EEF2K: variants seen among roughly 807,000 people sequenced by gnomAD.
EEF2K encodes the protein eukaryotic elongation factor 2 kinase, also known as alternative protein EEF2K.
Under a neutral mutation model 93.8 loss-of-function variants are expected in EEF2K, and 70 were observed. The ratio of observed to expected loss-of-function variants is 0.75; its 90% CI spans 0.62 to 0.91. EEF2K has a LOEUF of 0.91. Among genes scored for constraint, EEF2K ranks in the 40% least tolerant of loss-of-function variants. The pLI is 0.00. For synonymous variants in EEF2K, 376 were observed against 380.8 expected (o/e 0.99, Z 0.15); for missense variants, 935 against 972.9 (o/e 0.96, Z 0.52).
Position 22,218,766 on chromosome 16 carries a change from GT to G in EEF2K, c.-76-6886del, listed in dbSNP as rs1328678958. On this transcript the variant is annotated intron_variant, in intron 1 of 17. Transcript: ENST00000263026. ...CTCAAGAGGTGAAGTCACATAGCCAGTTAGTGGTAGAGATGGGGCTTGAACC... is the reference window on the plus strand; with the variant it reads ...CTCAAGAGGTGAAGTCACATAGCCAGTAGTGGTAGAGATGGGGCTTGAACC... 2.0e-5 allele frequency among the ~76,000 whole-genome samples: 3 copies of G among 152,136 alleles called. No homozygotes were observed. The East Asian group carries it at 5.8e-4, about 29-fold the overall frequency.
Position 22,235,664 on chromosome 16 carries a change from A to G in EEF2K, c.247-8966A>G, listed in dbSNP as rs908745469. Among the ~76,000 whole-genome samples, 14 of 151,828 alleles carry G rather than the reference A, an allele frequency of 9.2e-5. 1 individual carries two copies. The highest frequency in any genetic ancestry group is 3.4e-4 in the African/African-American group (14 of 41,332). ...AGGCATGCACCACCACGCCTGACTAATTTTGCATTTTTTAGTGGAGATGGG... is the reference window on the plus strand; with the variant it reads ...AGGCATGCACCACCACGCCTGACTAGTTTTGCATTTTTTAGTGGAGATGGG... On this transcript the variant is annotated intron_variant, in intron 2 of 17. Coordinates refer to ENST00000263026, the MANE Select transcript of EEF2K (RefSeq NM_013302.5).
chr16:22,278,646 T>G (rs2047664156), intron 16 of EEF2K, among the ~76,000 whole-genome samples: 1 of 152,178 alleles, frequency 6.6e-6, no homozygotes, highest in Non-Finnish European at 1.5e-5. Flanking sequence ...GACCTATTGC[T>G]TCTGGAATGT....
intron 2 of EEF2K, among the ~76,000 whole-genome samples, chr16:22,239,670 G>T (rs1034750881): frequency 3.9e-5 from 6 of 152,140 alleles, no homozygotes; most frequent in Non-Finnish European, 8.8e-5. Flanking sequence ...AATTAGCCAG[G>T]CATGATGGCA....
chr16:22,246,582 C>T (rs9929364), intron 3 of EEF2K, among the ~76,000 whole-genome samples: 10,777 of 149,456 alleles, frequency 0.072, 1,324 homozygotes, highest in African/African-American at 0.25. Flanking sequence ...GAGTTGCATG[C>T]CAGGAAATGG....
At position 22,263,346 on chromosome 16, in the gene EEF2K, C is replaced by A. The variant is rs186675421; in HGVS notation, c.1377+159C>A. On this transcript the variant is annotated intron_variant, in intron 12 of 17. Coordinates refer to ENST00000263026, the MANE Select transcript of EEF2K (RefSeq NM_013302.5). ...ATTTCAGGCCGGTCATGGTGGCTCA[C>A]GCCTGTAATCCCAGCACTTTGGGAG... The A allele has an allele frequency of 3.9e-3, 2,050 of 527,514 alleles. 67 individuals carry two copies. In the Admixed American group the frequency reaches 0.055, roughly 14 times the overall value. The allele number at this position is 527,514 out of a possible 1,614,324, so 32.7% of individuals were successfully genotyped here. A position where few individuals can be genotyped will look rare whatever the true frequency, so the allele number is the denominator to read the frequency against.
intron 16 of EEF2K, among the ~76,000 whole-genome samples, chr16:22,277,602 A>G (rs1038893257): frequency 2.0e-5 from 3 of 152,214 alleles, no homozygotes; most frequent in African/African-American, 7.2e-5. Flanking sequence ...TCCTGCCTTC[A>G]TGGGGCTTAC....
intron 2 of EEF2K, 38 bp from the exon 3 acceptor site, chr16:22,244,592 G>A: frequency 6.2e-7 from 1 of 1,607,998 alleles, no homozygotes; most frequent in Non-Finnish European, 8.5e-7. Context: ...CCCCTGACCT[G>A]GGCCTGATGT....
intron 1 of EEF2K, among the ~76,000 whole-genome samples, chr16:22,212,327 T>C (rs2046922541): frequency 6.6e-6 from 1 of 151,704 alleles, no homozygotes. Context: ...TCTGTCTCTT[T>C]CTTTTTTTTT....
rs2047728301 is a variant in EEF2K at position 22,284,092 on chromosome 16, G to A, written c.*96G>A. ...AACTTATTTAGTTTGGGGAGGGGAA[G>A]CATTTTTAAGTGTGTTGTAAAATCA... is the stretch of plus-strand genomic sequence containing the variant. On this transcript the variant is annotated 3_prime_UTR_variant, in exon 18 of 18. Transcript: ENST00000263026. 1.8e-6 allele frequency: 2 copies of A among 1,085,166 alleles called. No individual in the cohort carries two copies. Among genetic ancestry groups the A allele is most frequent in the South Asian group, 1.5e-5 (1 of 67,424 alleles). The allele number at this position is 1,085,166 out of a possible 1,614,324, so 67.2% of individuals were successfully genotyped here. A position where few individuals can be genotyped will look rare whatever the true frequency, so the allele number is the denominator to read the frequency against.
At chr16:22,279,837 A>G (rs1490558616) in intron 16 of EEF2K, among the ~76,000 whole-genome samples, 1 of 152,184 alleles carries the variant, frequency 6.6e-6, no homozygotes. Context: ...TTTACTAAAA[A>G]TACAAAAAAT....
At position 22,256,689 on chromosome 16, in the gene EEF2K, G is replaced by A. The variant is rs755211834; in HGVS notation, c.619-59G>A. ...AGTTCCTCTGAGCCCTCCCCTTGCCGCTTCTCAGAGGAGGTGCGCCTGGGC... is the reference window on the plus strand; with the variant it reads ...AGTTCCTCTGAGCCCTCCCCTTGCCACTTCTCAGAGGAGGTGCGCCTGGGC... On this transcript the variant is annotated intron_variant, in intron 6 of 17. Coordinates refer to ENST00000263026, the MANE Select transcript of EEF2K (RefSeq NM_013302.5). 3.6e-5 allele frequency: 56 copies of A among 1,567,710 alleles called. 1 individual carries two copies. Among genetic ancestry groups the A allele is most frequent in the South Asian group, 3.4e-4 (29 of 84,230 alleles).
At chr16:22,233,629 G>A (rs951947124) in intron 2 of EEF2K, among the ~76,000 whole-genome samples, 1 of 152,152 alleles carries the variant, frequency 6.6e-6, no homozygotes, top group South Asian at 2.1e-4. Context: ...AGAGGCTGCA[G>A]TGAGAGATTG....
In EEF2K at chr16:22,256,804, C is replaced by T. The variant is rs1165249456; in HGVS notation, c.675C>T (p.Leu225=). 8 of 1,614,100 alleles carry T rather than the reference C, an allele frequency of 5.0e-6. No homozygotes were observed. In the African/African-American group the frequency reaches 5.3e-5, roughly 11 times the overall value. Reference sequence around the variant, plus strand: ...TGAAGGACAGACCGGGCAAGCCCCTCTTCCACCTGGAGCACTACATCGAGG... The same window carrying T: ...TGAAGGACAGACCGGGCAAGCCCCTTTTCCACCTGGAGCACTACATCGAGG... ...IELKDRPGKP[L]FHLEHYIEGK... The change falls in exon 7 of 18, where the codon CTC becomes CTT. Residue 225 remains leucine, a synonymous_variant. Coordinates refer to ENST00000263026, the MANE Select transcript of EEF2K (RefSeq NM_013302.5).
At chr16:22,249,524 C>T (rs2047328172) in intron 4 of EEF2K, among the ~76,000 whole-genome samples, 1 of 152,112 alleles carries the variant, frequency 6.6e-6, no homozygotes. Context: ...CCTCCCATAC[C>T]CACAGGGTAA....
At chr16:22,273,454 C>T (rs902204163) in intron 15 of EEF2K, among the ~76,000 whole-genome samples, 172 bp from the exon 16 acceptor site, 1 of 152,028 alleles carries the variant, frequency 6.6e-6, no homozygotes, top group Non-Finnish European at 1.5e-5. Flanking sequence ...TGATTTGTTC[C>T]AGTGTCTGAG....
At position 22,250,613 on chromosome 16, in the gene EEF2K, G is replaced by A. The variant is rs759756925; in HGVS notation, c.409-41G>A. The A allele has an allele frequency of 2.5e-5, 40 of 1,613,624 alleles. No individual in the cohort carries two copies. In the South Asian group the frequency reaches 4.3e-4, roughly 17 times the overall value. On this transcript the variant is annotated intron_variant, in intron 4 of 17. Transcript: ENST00000263026. ...TCCTGTCTTAGGGTCCCTTTTGGGT[G>A]GGGCATGGGGACTGATAACACTCTG...
chr16:22,251,139 C>T lies in EEF2K; in HGVS notation c.447-12C>T. 3 of 1,611,472 alleles carry T rather than the reference C, an allele frequency of 1.9e-6. No individual in the cohort carries two copies. The highest frequency in any genetic ancestry group is 1.1e-5 in the South Asian group (1 of 90,586). Reference sequence around the variant, plus strand: ...AGTACCCAGGTAGGCCCCCTGTTGCCTCTTCCCACAGGAAGAAGCTCTCCA... The same window carrying T: ...AGTACCCAGGTAGGCCCCCTGTTGCTTCTTCCCACAGGAAGAAGCTCTCCA... On this transcript the variant is annotated splice_polypyrimidine_tract_variant and intron_variant, in intron 5 of 17. Coordinates refer to ENST00000263026, the MANE Select transcript of EEF2K (RefSeq NM_013302.5).
chr16:22,245,026 C>T (rs2047273015), intron 3 of EEF2K, among the ~76,000 whole-genome samples: 1 of 152,058 alleles, frequency 6.6e-6, no homozygotes, highest in African/African-American at 2.4e-5. Context: ...CTTTGGGAGG[C>T]TGAGGTGGGC....
In EEF2K at chr16:22,266,680, T is replaced by C; in HGVS notation, c.1576-8T>C. 6.2e-7 allele frequency: 1 copy of C among 1,604,606 alleles called. No individual in the cohort carries two copies. The highest frequency in any genetic ancestry group is 8.5e-7 in the Non-Finnish European group (1 of 1,174,680). On this transcript the variant is annotated splice_polypyrimidine_tract_variant and splice_region_variant and intron_variant, in intron 14 of 17. Transcript: ENST00000263026. The stretch of plus-strand genomic sequence containing the variant: ...ACAGCCAGGCCGACACCGTAGTCTG[T>C]GTGGCAGGTCCATCTGGCCATGGTG...
Sources: gnomAD v4.1 joint callset for allele counts (sites outside exome capture counted in the v4.1 genomes callset) on GRCh38, gnomAD v4.1.1 for gene constraint, MANE v1.5 for transcripts, NCBI Gene and HGNC (gene_info 2026-07-23, HGNC 2026-07-21) for gene names.